The following AHNAK variants were observed in gnomAD, a reference collection of about 807,000 sequenced individuals.
AHNAK encodes neuroblast differentiation-associated protein AHNAK.
A neutral mutation model predicts 37.8 loss-of-function variants in AHNAK; 23 were observed. The observed-to-expected ratio is 0.61, with a 90% CI of 0.44 to 0.86. The LOEUF is 0.86. Among genes scored for constraint, AHNAK ranks in the 40% least tolerant of loss-of-function variants. The probability of loss-of-function intolerance (pLI) is 0.00; values close to 1 mark genes in which losing one functional copy is unlikely to be tolerated. For synonymous variants in AHNAK, 2,481 were observed against 2,636.3 expected (o/e 0.94, Z 1.80); for missense variants, 7,411 against 7,319.4 (o/e 1.01, Z -0.46).
chr11:62,516,528 C>T lies in AHNAK; in HGVS notation c.*216G>A. The T allele has an allele frequency of 7.1e-7, 1 of 1,410,292 alleles. No homozygotes were observed. The highest frequency in any genetic ancestry group is 9.2e-7 in the Non-Finnish European group (1 of 1,087,812). 87.4% of individuals were successfully genotyped at this position (1,410,292 alleles called of 1,614,324 possible). On this transcript the variant is annotated 3_prime_UTR_variant, in exon 5 of 5. Coordinates refer to ENST00000378024, the MANE Select transcript of AHNAK (RefSeq NM_001620.3). Reference sequence around the variant, plus strand: ...TAAGGCAAATACTGTTGACTTTGCACATGGGCTGGACGAACTTGGAACTCT... The same window carrying T: ...TAAGGCAAATACTGTTGACTTTGCATATGGGCTGGACGAACTTGGAACTCT...
At chr11:62,461,354 C>A (rs1938783872) in intron 5 of AHNAK, among the ~76,000 whole-genome samples, 1 of 151,484 alleles carries the variant, frequency 6.6e-6, no homozygotes, top group Admixed American at 6.6e-5. Context: ...CCATGTTGCC[C>A]AGGATGGTCT....
chr11:62,475,602 C>CTTTTTTTTT (rs55773953), intron 5 of AHNAK, among the ~76,000 whole-genome samples: 3 of 118,040 alleles, frequency 2.5e-5, no homozygotes, highest in Non-Finnish European at 3.2e-5. Context: ...TTATGTTATA[C>CTTTTTTTTT]TTTTTTTTTT....
At chr11:62,435,488 G>A (rs1279585738) in intron 5 of AHNAK, among the ~76,000 whole-genome samples, 1 of 151,970 alleles carries the variant, frequency 6.6e-6, no homozygotes, top group African/African-American at 2.4e-5. Context: ...TTGGCTCACT[G>A]CAGGCTCCGC....
chr11:62,523,463 C>T lies in AHNAK; in HGVS notation c.10954G>A (p.Ala3652Thr). ...TTGAACTTGGGGCCCTTCAGCTTTG[C>T]ATCTGGACCTTCAATATTCACGTCT... is the stretch of plus-strand genomic sequence containing the variant. ...VPDVNIEGPD[A>T]KLKGPKFKMP... Residue 3652 changes from alanine to threonine, a missense_variant, in exon 5 of 5, where the codon GCA becomes ACA. Coordinates refer to ENST00000378024, the MANE Select transcript of AHNAK (RefSeq NM_001620.3). 6.2e-7 allele frequency: 1 copy of T among 1,613,404 alleles called. No individual in the cohort carries two copies. Among genetic ancestry groups the T allele is most frequent in the Non-Finnish European group, 8.5e-7 (1 of 1,179,870 alleles).
chr11:62,435,463 T>C (rs1938142555), intron 5 of AHNAK, among the ~76,000 whole-genome samples: 1 of 152,090 alleles, frequency 6.6e-6, no homozygotes, highest in African/African-American at 2.4e-5. Flanking sequence ...CAGGCTGGAA[T>C]GCAGTGGCGC....
intron 5 of AHNAK, among the ~76,000 whole-genome samples, chr11:62,476,823 G>A (rs1034478089): frequency 6.6e-6 from 1 of 152,098 alleles, no homozygotes; most frequent in Non-Finnish European, 1.5e-5. Context: ...ACCAAAAGAA[G>A]GTCATGGTCA....
intron 5 of AHNAK, among the ~76,000 whole-genome samples, chr11:62,445,452 G>C (rs1938403235): frequency 1.3e-5 from 2 of 152,148 alleles, no homozygotes; most frequent in Non-Finnish European, 2.9e-5. Flanking sequence ...AATAAATAAA[G>C]GAGAAAGGTT....
chr11:62,466,089 G>A (rs973364944), intron 5 of AHNAK, among the ~76,000 whole-genome samples: 7 of 152,252 alleles, frequency 4.6e-5, no homozygotes, highest in Non-Finnish European at 8.8e-5. Flanking sequence ...GGAGGCCGAG[G>A]CGAGTGGATC....
intron 5 of AHNAK, among the ~76,000 whole-genome samples, chr11:62,480,399 C>T (rs111917042): frequency 9.2e-5 from 14 of 152,164 alleles, no homozygotes; most frequent in African/African-American, 2.2e-4. Context: ...CAGTGACTCA[C>T]GCCTGTAATC....
Position 62,524,417 on chromosome 11 carries a change from C to A in AHNAK, c.10000G>T (p.Val3334Leu). 6.2e-7 allele frequency: 1 copy of A among 1,613,256 alleles called. No homozygotes were observed. The highest frequency in any genetic ancestry group is 8.5e-7 in the Non-Finnish European group (1 of 1,179,794). The change falls in exon 5 of 5, where the codon GTG becomes TTG. Residue 3334 changes from valine to leucine, a missense_variant. Transcript: ENST00000378024. ...TTAAGCTTAGGACCGGAAACGTCCA[C>A]TTCTGGGCCCTTTATATCCAAACTG... is the stretch of plus-strand genomic sequence containing the variant. ...APSLDIKGPEVDVSGPKLNIE... is the reference protein window; with the variant it reads ...APSLDIKGPELDVSGPKLNIE...
rs763110924 is a variant in AHNAK at position 62,526,056 on chromosome 11, G to T, written c.8361C>A (p.Asp2787Glu). 1.3e-6 allele frequency: 2 copies of T among 1,599,904 alleles called. No homozygotes were observed. The highest frequency in any genetic ancestry group is 1.4e-5 in the African/African-American group (1 of 71,482). The change falls in exon 5 of 5, where the codon GAC becomes GAA. Residue 2787 changes from aspartate to glutamate, a missense_variant. Asp to Glu is a conservative substitution (Grantham distance 45). Transcript: ENST00000378024. ...CAATGTCAGCCTTGGGCAGGTTCAC[G>T]TCCACATCTGGACCTTCTCCTTTGA... ...PGFKGEGPDV[D>E]VNLPKADIDV...
chr11:62,529,093 T>C lies in AHNAK; in HGVS notation c.5324A>G (p.Asn1775Ser). ...CATGGAGACCTTGGGAGCTTTTATA[T>C]TCAACTTGGGCATCTTAAATTTGGA... ...KGSKFKMPKLNIKAPKVSMPD... is the reference protein window; with the variant it reads ...KGSKFKMPKLSIKAPKVSMPD... The change falls in exon 5 of 5, where the codon AAT (asparagine) becomes AGT (serine). Residue 1775 changes from asparagine to serine, a missense_variant. By Grantham distance (46) the Asn-to-Ser change is conservative (BLOSUM62 1). Transcript: ENST00000378024. 1 of 1,614,044 alleles carries C rather than the reference T, an allele frequency of 6.2e-7. No homozygotes were observed.
chr11:62,462,959 C>T (rs949134863), intron 5 of AHNAK, among the ~76,000 whole-genome samples: 7 of 151,794 alleles, frequency 4.6e-5, no homozygotes, highest in South Asian at 2.1e-4. Context: ...GGAGAAACCC[C>T]GTCTCTACTA....
chr11:62,462,673 GA>G (rs1236150693), intron 5 of AHNAK, among the ~76,000 whole-genome samples: 1 of 152,190 alleles, frequency 6.6e-6, no homozygotes, highest in Non-Finnish European at 1.5e-5. Context: ...TAATCTTAAG[GA>G]TCAGTTATCT....
At chr11:62,444,554 TCCGCG>T (rs1938383679) in intron 5 of AHNAK, among the ~76,000 whole-genome samples, 1 of 152,276 alleles carries the variant, frequency 6.6e-6, no homozygotes, top group Admixed American at 6.5e-5. Flanking sequence ...CTCCAGGATG[TCCGCG>T]CCGTGGGGAA....
intron 5 of AHNAK, among the ~76,000 whole-genome samples, chr11:62,468,221 G>A (rs192063365): frequency 4.6e-5 from 7 of 152,102 alleles, no homozygotes; most frequent in Middle Eastern, 3.4e-3. Flanking sequence ...GATGGCACGC[G>A]CCTGTAGTCC....
intron 5 of AHNAK, among the ~76,000 whole-genome samples, chr11:62,488,100 G>T (rs11822224): frequency 0.14 from 22,044 of 152,174 alleles, 3,923 homozygotes; most frequent in African/African-American, 0.42. Context: ...CCTGTGACTG[G>T]CTGCTTTAAT....
intron 1 of AHNAK, among the ~76,000 whole-genome samples, chr11:62,542,830 G>A (rs1941174048): frequency 6.6e-6 from 1 of 152,234 alleles, no homozygotes; most frequent in Admixed American, 6.5e-5. Context: ...AGGAGAGGGG[G>A]TGGAGCAGAA....
At position 62,521,600 on chromosome 11, in the gene AHNAK, C is replaced by T. The variant is rs142748461; in HGVS notation, c.12817G>A (p.Gly4273Ser). ...DLHLKGPKVKGDVDVSLPKVE... is the reference protein window; with the variant it reads ...DLHLKGPKVKSDVDVSLPKVE... ...TTAGGAAGGGAAACATCCACATCAC[C>T]CTTCACCTTGGGACCTTTCAGATGC... is the stretch of plus-strand genomic sequence containing the variant. The change falls in exon 5 of 5, where the codon GGT (glycine) becomes AGT (serine). Residue 4273 changes from glycine to serine, a missense_variant. Gly to Ser is a moderately conservative substitution (Grantham distance 56). Coordinates refer to ENST00000378024, the MANE Select transcript of AHNAK (RefSeq NM_001620.3). The T allele has an allele frequency of 8.2e-5, 132 of 1,612,054 alleles. No individual in the cohort carries two copies. The African/African-American group carries it at 1.5e-3, about 19-fold the overall frequency.
Sources: allele counts gnomAD v4.1 joint callset (sites outside exome capture counted in the v4.1 genomes callset), GRCh38; gene constraint gnomAD v4.1.1; transcripts MANE v1.5; gene names NCBI Gene and HGNC (gene_info 2026-07-23, HGNC 2026-07-21).